Variants in L3MBTL4 observed in about 807,000 individuals in gnomAD.
L3MBTL4 encodes lethal(3)malignant brain tumor-like protein 4.
L3MBTL4 carries 70 observed loss-of-function variants against 84.5 expected under a neutral mutation model. That is an observed-to-expected ratio of 0.83 (90% CI 0.68 to 1.01). The LOEUF is 1.01. Ranked by LOEUF, L3MBTL4 falls within the 50% of genes least tolerant of loss-of-function variation. The probability of loss-of-function intolerance (pLI) is 0.00; values close to 1 mark genes in which losing one functional copy is unlikely to be tolerated. For synonymous variants in L3MBTL4, 274 were observed against 259.8 expected, an observed-to-expected ratio of 1.05 and a Z score of -0.52; for missense variants, 715 against 754.8, an observed-to-expected ratio of 0.95 and a Z score of 0.62.
At chr18:6,306,315 A>C (rs2050583062) in intron 3 of L3MBTL4, among the ~76,000 whole-genome samples, 1 of 152,222 alleles carries the variant, frequency 6.6e-6, no homozygotes, top group African/African-American at 2.4e-5. Context: ...AGAATGAAAT[A>C]CTTCCATTTT....
chr18:6,270,009 A>C (rs1250763823), intron 4 of L3MBTL4, among the ~76,000 whole-genome samples: 1 of 152,206 alleles, frequency 6.6e-6, no homozygotes, highest in Non-Finnish European at 1.5e-5. Context: ...ACAACCCTTC[A>C]TGGTGATATT....
chr18:6,364,825 A>G (rs2053860923), intron 1 of L3MBTL4, among the ~76,000 whole-genome samples: 2 of 152,132 alleles, frequency 1.3e-5, no homozygotes. Context: ...AGTCTTTAAC[A>G]TCTAGGCAAT....
chr18:6,171,972 T>C (rs2043995195), intron 12 of L3MBTL4, 30 bp from the exon 13 acceptor site: 1 of 1,078,386 alleles, frequency 9.3e-7, no homozygotes, highest in Admixed American at 2.3e-5. Context: ...ATGATTAGCA[T>C]TTAGTAATTA....
chr18:6,142,151 C>T (rs1159957135), intron 13 of L3MBTL4, among the ~76,000 whole-genome samples: 1 of 152,196 alleles, frequency 6.6e-6, no homozygotes, highest in Admixed American at 6.5e-5. Context: ...ACCTCAATTA[C>T]AAAGTAAATA....
At chr18:6,269,624 A>G (rs76875587) in intron 4 of L3MBTL4, among the ~76,000 whole-genome samples, 1,911 of 152,360 alleles carry the variant, frequency 0.013, 36 homozygotes, top group African/African-American at 0.043. Context: ...AACAGTACAA[A>G]GTTGGAAAAA....
intron 16 of L3MBTL4, chr18:6,029,524 T>G (rs1364805230): frequency 1.0e-6 from 1 of 984,340 alleles, no homozygotes; most frequent in East Asian, 1.1e-4. Flanking sequence ...CAATCTTAGG[T>G]GGAGGACATC....
chr18:6,372,994 C>G (rs1421993720), intron 1 of L3MBTL4, among the ~76,000 whole-genome samples: 1 of 152,184 alleles, frequency 6.6e-6, no homozygotes, highest in Non-Finnish European at 1.5e-5. Flanking sequence ...TAAATATACA[C>G]TATTTTTTCC....
chr18:6,094,172 C>A (rs191890235), intron 14 of L3MBTL4, among the ~76,000 whole-genome samples: 9 of 152,176 alleles, frequency 5.9e-5, no homozygotes, highest in Admixed American at 5.9e-4. Flanking sequence ...AGGCTATGGG[C>A]AGAAGGATCT....
chr18:6,025,627 ACC>A (rs1284028612), intron 16 of L3MBTL4, among the ~76,000 whole-genome samples: 1 of 152,288 alleles, frequency 6.6e-6, no homozygotes, highest in African/African-American at 2.4e-5. Context: ...TCTTTTTGGC[ACC>A]AGGGACCAGA....
At chr18:6,295,818 T>A (rs2050086632) in intron 4 of L3MBTL4, among the ~76,000 whole-genome samples, 1 of 152,070 alleles carries the variant, frequency 6.6e-6, no homozygotes, top group Non-Finnish European at 1.5e-5. Context: ...CCACTAAATC[T>A]CATGTACAAC....
chr18:6,306,538 C>T (rs1388048621), intron 3 of L3MBTL4, among the ~76,000 whole-genome samples: 1 of 152,156 alleles, frequency 6.6e-6, no homozygotes, highest in South Asian at 2.1e-4. Context: ...AAAATAAACT[C>T]ACCCCAAACA....
At chr18:6,072,842 T>C (rs1279128188) in intron 16 of L3MBTL4, among the ~76,000 whole-genome samples, 5 of 101,950 alleles carry the variant, frequency 4.9e-5, no homozygotes, top group South Asian at 3.8e-4. Flanking sequence ...CTAGCCTGGG[T>C]GACAGAGAGA....
At chr18:6,376,156 G>C (rs1028413460) in intron 1 of L3MBTL4, among the ~76,000 whole-genome samples, 2 of 152,056 alleles carry the variant, frequency 1.3e-5, no homozygotes, top group African/African-American at 4.8e-5. Flanking sequence ...CCCTCCCACT[G>C]TCCCCAGAGG....
At chr18:6,163,430 A>T (rs577415168) in intron 13 of L3MBTL4, among the ~76,000 whole-genome samples, 1 of 152,238 alleles carries the variant, frequency 6.6e-6, no homozygotes, top group Non-Finnish European at 1.5e-5. Context: ...TATGGTGCAG[A>T]TAAAGATAAT....
chr18:6,108,882 C>A (rs938174305), intron 14 of L3MBTL4, among the ~76,000 whole-genome samples: 1 of 152,160 alleles, frequency 6.6e-6, no homozygotes, highest in Admixed American at 6.5e-5. Flanking sequence ...TACAAGGAAT[C>A]TAGAGATGAT....
intron 10 of L3MBTL4, among the ~76,000 whole-genome samples, chr18:6,229,280 A>C (rs2046899717): frequency 6.6e-6 from 1 of 152,128 alleles, no homozygotes; most frequent in Non-Finnish European, 1.5e-5. Flanking sequence ...AATACAACTA[A>C]GTATGTGGGT....
intron 14 of L3MBTL4, 71 bp from the exon 15 acceptor site, chr18:6,093,599 G>C (rs1261054851): frequency 7.8e-7 from 1 of 1,285,748 alleles, no homozygotes; most frequent in African/African-American, 1.5e-5. Flanking sequence ...TGTCATTAGA[G>C]CAGACTTACA....
intron 4 of L3MBTL4, among the ~76,000 whole-genome samples, chr18:6,270,372 AC>A (rs1253844161): frequency 6.6e-6 from 1 of 152,194 alleles, no homozygotes; most frequent in African/African-American, 2.4e-5. Context: ...CAAAGCAGGT[AC>A]TGAGAGAATC....
At chr18:6,050,228 T>G (rs1486461580) in intron 16 of L3MBTL4, among the ~76,000 whole-genome samples, 1 of 152,206 alleles carries the variant, frequency 6.6e-6, no homozygotes, top group African/African-American at 2.4e-5. Context: ...TCTGTATCCC[T>G]TTCCTCTGGA....
Sources: allele counts gnomAD v4.1 joint callset (sites outside exome capture counted in the v4.1 genomes callset), GRCh38; gene constraint gnomAD v4.1.1; transcripts MANE v1.5; gene names NCBI Gene and HGNC (gene_info 2026-07-23, HGNC 2026-07-21).